The following TTC23L variants were observed in gnomAD, a reference collection of about 807,000 sequenced individuals.
TTC23L encodes the protein tetratricopeptide repeat protein 23-like.
TTC23L carries 42 observed loss-of-function variants against 48.1 expected under a neutral mutation model. The observed-to-expected ratio is 0.87, with a 90% confidence interval of 0.68 to 1.13. TTC23L has a LOEUF of 1.13. Among genes scored for constraint, TTC23L ranks in the 50% most tolerant of loss-of-function variants. The probability of loss-of-function intolerance (pLI) is 0.00; values close to 1 mark genes in which losing one functional copy is unlikely to be tolerated. For synonymous variants in TTC23L, 159 were observed against 157.2 expected (o/e 1.01, Z -0.09); for missense variants, 391 against 421.0 (o/e 0.93, Z 0.62).
At chr5:34,870,071 A>G (rs537093728) in intron 8 of TTC23L, among the ~76,000 whole-genome samples, 3 of 152,090 alleles carry the variant, frequency 2.0e-5, no homozygotes, top group African/African-American at 7.2e-5. Context: ...GTGAGAAAAA[A>G]CAAGCGTTTA....
chr5:34,861,343 ACTT>A (rs1760639817), intron 4 of TTC23L: 1 of 166,208 alleles, frequency 6.0e-6, no homozygotes, highest in South Asian at 1.7e-4. Flanking sequence ...CACAATCTGA[ACTT>A]CATCATCCTA....
At chr5:34,845,566 G>A in exon 3 of TTC23L, 3 of 1,613,926 alleles carry the variant, frequency 1.9e-6, no homozygotes, top group Non-Finnish European at 2.5e-6. Context: ...GAGTGAAGAG[G>A]AAACTAAAGC....
At chr5:34,924,132 C>T in the TTC23L span, among the ~76,000 whole-genome samples, 1 of 152,160 alleles carries the variant, frequency 6.6e-6, no homozygotes, top group Non-Finnish European at 1.5e-5. Flanking sequence ...CACACAGTGA[C>T]TCATTCAGGA....
intron 1 of TTC23L, among the ~76,000 whole-genome samples, chr5:34,840,119 T>A (rs967802595): frequency 5.9e-5 from 9 of 151,954 alleles, no homozygotes; most frequent in Non-Finnish European, 1.0e-4. Context: ...CTCGAACTCC[T>A]GAACTCGGGT....
chr5:34,908,610 A>G, the TTC23L span: 1 of 596,650 alleles, frequency 1.7e-6, no homozygotes, highest in East Asian at 2.9e-5. Context: ...TTTACAAAAC[A>G]TAGTAACTAT....
intron 6 of TTC23L, among the ~76,000 whole-genome samples, chr5:34,865,837 C>T (rs1241326564): frequency 6.6e-6 from 1 of 152,190 alleles, no homozygotes; most frequent in Non-Finnish European, 1.5e-5. Flanking sequence ...AAGACACCAC[C>T]ACACCTGGCT....
At chr5:34,914,870 A>T in the TTC23L span, 2 of 1,613,952 alleles carry the variant, frequency 1.2e-6, no homozygotes, top group East Asian at 2.2e-5. Flanking sequence ...CTCGTCTTGG[A>T]TCTGTTGGGT....
intron 9 of TTC23L, among the ~76,000 whole-genome samples, chr5:34,888,209 TAAG>T (rs1762652067): frequency 6.6e-6 from 1 of 152,192 alleles, no homozygotes; most frequent in Admixed American, 6.5e-5. Flanking sequence ...CGAAATGGAC[TAAG>T]ACAGCATGGC....
intron 4 of TTC23L, among the ~76,000 whole-genome samples, chr5:34,856,377 TC>T (rs1180016097): frequency 1.3e-5 from 2 of 152,084 alleles, no homozygotes; most frequent in Non-Finnish European, 2.9e-5. Flanking sequence ...TCCAAAAACC[TC>T]CCCCCATCCA....
At chr5:34,892,105 G>A (rs929424237) in intron 9 of TTC23L, among the ~76,000 whole-genome samples, 8 of 152,156 alleles carry the variant, frequency 5.3e-5, no homozygotes, top group African/African-American at 1.9e-4. Context: ...TCAAAACCTG[G>A]TACAACGATT....
intron 9 of TTC23L, among the ~76,000 whole-genome samples, chr5:34,895,172 A>G (rs1763131112): frequency 6.6e-6 from 1 of 152,206 alleles, no homozygotes; most frequent in Admixed American, 6.5e-5. Context: ...TGTTAGAAGA[A>G]TGTAGTAGTT....
chr5:34,853,926 T>C (rs1256613836), intron 4 of TTC23L, among the ~76,000 whole-genome samples: 1 of 151,972 alleles, frequency 6.6e-6, no homozygotes, highest in Admixed American at 6.6e-5. Flanking sequence ...GAGAGGGAGA[T>C]TTCTCTGAAA....
rs138461831 is a variant in TTC23L at position 34,888,780 on chromosome 5, C to T, written c.1078-7990C>T. On this transcript the variant is annotated intron_variant, in intron 9 of 10. Coordinates refer to ENST00000505624, the Ensembl canonical transcript of TTC23L. ...GTAATATTTAGTATTTATAATATCC[C>T]TTTCAATGCTGAGCATTATAGAAAA... Among the ~76,000 whole-genome samples the T allele has an allele frequency of 5.5e-3, 841 of 152,266 alleles. 8 individuals carry two copies. The highest frequency in any genetic ancestry group is 0.02 in the African/African-American group (814 of 41,538).
chr5:34,863,004 T>A lies in TTC23L; in HGVS notation c.486T>A (p.Ala162=). 1 of 1,613,920 alleles carries A rather than the reference T, an allele frequency of 6.2e-7. No homozygotes were observed. Among genetic ancestry groups the A allele is most frequent in the Admixed American group, 1.7e-5 (1 of 60,018 alleles). ...AGGAGAAAGAGGAAATCCTGGAAGC[T>A]CTGGTCAAGCTGTACTACACTCTGG... is the stretch of plus-strand genomic sequence containing the variant. The change falls in exon 5 of 11, where the codon GCT becomes GCA. Residue 162 remains alanine (A), a synonymous_variant. Coordinates refer to ENST00000505624, the Ensembl canonical transcript of TTC23L. This position sits in a 1 kb window ranked among gnomAD's most constrained non-coding sequence, Gnocchi z 4.1.
Position 34,866,819 on chromosome 5 carries a change from G to A in TTC23L, c.663-73G>A, listed in dbSNP as rs1017346779. 26 of 1,396,340 alleles carry A rather than the reference G, an allele frequency of 1.9e-5. No individual in the cohort carries two copies. The Admixed American group carries it at 4.3e-4, about 23-fold the overall frequency. 86.5% of individuals were successfully genotyped at this position (1,396,340 alleles called of 1,614,324 possible). ...TGAAGGCCAAATTCTTTAATTCTTGGAATCAGTTCCTTTTGTGTCTGCAAA... is the reference window on the plus strand; with the variant it reads ...TGAAGGCCAAATTCTTTAATTCTTGAAATCAGTTCCTTTTGTGTCTGCAAA... On this transcript the variant is annotated intron_variant, in intron 6 of 10. Transcript: ENST00000505624.
chr5:34,857,778 A>G (rs1760247788), intron 4 of TTC23L, among the ~76,000 whole-genome samples: 1 of 152,176 alleles, frequency 6.6e-6, no homozygotes, highest in South Asian at 2.1e-4. Context: ...GTAGGTGAAT[A>G]AACAGGCACA....
intron 7 of TTC23L, chr5:34,867,367 C>A: frequency 5.2e-6 from 2 of 382,454 alleles, no homozygotes; most frequent in Non-Finnish European, 9.5e-6. Context: ...GAGTCTACTC[C>A]AAGGAAAAAA....
At chr5:34,924,349 T>G in the TTC23L span, among the ~76,000 whole-genome samples, 1 of 152,230 alleles carries the variant, frequency 6.6e-6, no homozygotes, top group Non-Finnish European at 1.5e-5. Flanking sequence ...ATGCCTGAAC[T>G]AATAGATAAC....
chr5:34,909,006 C>T, the TTC23L span: 10 of 1,399,358 alleles, frequency 7.1e-6, no homozygotes, highest in Non-Finnish European at 9.8e-6. Context: ...GCTCAGAACT[C>T]CCAAGTAAAG....
Sources: allele counts gnomAD v4.1 joint callset (sites outside exome capture counted in the v4.1 genomes callset), GRCh38; gene constraint gnomAD v4.1.1; non-coding constraint Gnocchi (gnomAD v3.1); transcripts MANE v1.5; gene names NCBI Gene and HGNC (gene_info 2026-07-23, HGNC 2026-07-21).